The following FAM133B variants were observed in gnomAD, a reference collection of about 807,000 sequenced individuals.
FAM133B encodes the protein protein FAM133B.
In FAM133B, 25 loss-of-function variants were observed where a neutral mutation model predicts 46.4. That is an observed-to-expected ratio of 0.54 (90% CI 0.39 to 0.75). The LOEUF (loss-of-function observed/expected upper bound fraction) is 0.75. FAM133B is among the 30% of genes least tolerant of loss of function. FAM133B has a pLI of 0.00. For missense variants in FAM133B, 205 were observed against 277.6 expected (o/e 0.74, Z 1.86); for synonymous variants, 75 against 86.0 (o/e 0.87, Z 0.71).
chr7:92,568,373 T>C (rs1794428310), intron 9 of FAM133B, among the ~76,000 whole-genome samples: 1 of 152,094 alleles, frequency 6.6e-6, no homozygotes. Flanking sequence ...GACTGATTGA[T>C]TGAGATGGAG....
chr7:92,573,182 T>A (rs78204812), intron 8 of FAM133B, among the ~76,000 whole-genome samples: 12 of 150,814 alleles, frequency 8.0e-5, no homozygotes, highest in Admixed American at 6.6e-4. Context: ...TTTTTTTTTT[T>A]TAGAGATGGG....
intron 8 of FAM133B, among the ~76,000 whole-genome samples, chr7:92,572,062 T>C (rs1486672141): frequency 6.6e-6 from 1 of 152,190 alleles, no homozygotes; most frequent in African/African-American, 2.4e-5. Flanking sequence ...ACAATGATTA[T>C]GTGACTTAAA....
At position 92,569,897 on chromosome 7, in the gene FAM133B, T is replaced by G. The variant is rs761564437; in HGVS notation, c.535A>C (p.Lys179Gln). 37 of 1,408,494 alleles carry G rather than the reference T, an allele frequency of 2.6e-5. No individual in the cohort carries two copies. The highest frequency in any genetic ancestry group is 3.3e-5 in the Non-Finnish European group (36 of 1,074,776). 87.2% of individuals were successfully genotyped at this position (1,408,494 alleles called of 1,614,324 possible). A position where few individuals can be genotyped will look rare whatever the true frequency, so the allele number is the denominator to read the frequency against. Residue 179 changes from lysine to glutamine, a missense_variant, in exon 9 of 11, where the codon AAA becomes CAA. Physicochemically the swap from Lys to Gln is moderately conservative, Grantham distance 53 (BLOSUM62 1). Coordinates refer to ENST00000445716, the MANE Select transcript of FAM133B (RefSeq NM_152789.4). ...EKEKDIKGLS[K>Q]KRKMYSEDKP... ...TCTTCAGAATACATCTTTCTCTTTT[T>G]GCTGAGTCCTTTAATATCCTATGAA...
chr7:92,579,564 T>C (rs1041960072), intron 2 of FAM133B, among the ~76,000 whole-genome samples, 169 bp from the exon 3 acceptor site: 3 of 152,204 alleles, frequency 2.0e-5, no homozygotes, highest in African/African-American at 7.2e-5. Flanking sequence ...TAAATTACCA[T>C]AATAAAGCTA....
chr7:92,577,814 G>T, intron 5 of FAM133B, 97 bp from the exon 6 acceptor site: 3 of 942,668 alleles, frequency 3.2e-6, no homozygotes, highest in South Asian at 1.8e-5. Context: ...TCTAGTGTCT[G>T]AGAAACAGAT....
intron 3 of FAM133B, 62 bp downstream of exon 3, chr7:92,579,255 A>C (rs531141574): frequency 7.1e-7 from 1 of 1,410,988 alleles, no homozygotes; most frequent in East Asian, 2.4e-5. Context: ...CTGGAATTAT[A>C]GGTATGAGCC....
Position 92,569,932 on chromosome 7 carries a change from C to A in FAM133B, c.517-17G>T. ...TTTAATATCCTATGAAAAATAAATA[C>A]ATTTATCTTGACTCAGACATACTTT... On this transcript the variant is annotated splice_polypyrimidine_tract_variant and intron_variant, in intron 8 of 10. Transcript: ENST00000445716. 8.5e-7 allele frequency: 1 copy of A among 1,171,334 alleles called. No homozygotes were observed. Among genetic ancestry groups the A allele is most frequent in the South Asian group, 2.2e-5 (1 of 45,602 alleles). 72.6% of individuals were successfully genotyped at this position (1,171,334 alleles called of 1,614,324 possible).
At chr7:92,585,287 G>A in intron 1 of FAM133B, 1 of 777,294 alleles carries the variant, frequency 1.3e-6, no homozygotes, top group Non-Finnish European at 1.6e-6. Context: ...TCTTTTTCTT[G>A]CTCAAATTAC....
chr7:92,562,837 C>T (rs1218547471), intron 10 of FAM133B, among the ~76,000 whole-genome samples: 1 of 152,192 alleles, frequency 6.6e-6, no homozygotes, highest in African/African-American at 2.4e-5. Context: ...ACTGGCAGCA[C>T]TACTTGAAGT....
Position 92,575,766 on chromosome 7 carries a change from G to T in FAM133B, c.516+5C>A. 1 of 1,361,146 alleles carries T rather than the reference G, an allele frequency of 7.3e-7. No homozygotes were observed. The highest frequency in any genetic ancestry group is 1.0e-6 in the Non-Finnish European group (1 of 960,696). 84.3% of individuals were successfully genotyped at this position (1,361,146 alleles called of 1,614,324 possible). Reference sequence around the variant, plus strand: ...TATCTTAAGGCAATGTAAAAGTATAGTTACCTTTTCTTTCTCAGTTCCATC... The same window carrying T: ...TATCTTAAGGCAATGTAAAAGTATATTTACCTTTTCTTTCTCAGTTCCATC... On this transcript the variant is annotated splice_donor_5th_base_variant and intron_variant, in intron 8 of 10. Coordinates refer to ENST00000445716, the MANE Select transcript of FAM133B (RefSeq NM_152789.4).
chr7:92,581,484 A>T, intron 2 of FAM133B, 22 bp downstream of exon 2: 1 of 1,579,842 alleles, frequency 6.3e-7, no homozygotes, highest in Non-Finnish European at 8.7e-7. Flanking sequence ...GCTTATAAAT[A>T]GGTAAAGTGT....
chr7:92,568,340 A>G (rs184291263), intron 9 of FAM133B, among the ~76,000 whole-genome samples: 2 of 152,090 alleles, frequency 1.3e-5, no homozygotes, highest in African/African-American at 4.8e-5. Flanking sequence ...TTAAGATTCT[A>G]TGTCTTCTGG....
At chr7:92,582,317 C>T (rs1368927018) in intron 1 of FAM133B, among the ~76,000 whole-genome samples, 2 of 131,850 alleles carry the variant, frequency 1.5e-5, no homozygotes, top group African/African-American at 6.1e-5. Context: ...CATAAAATAA[C>T]ATAACATAAA....
At chr7:92,568,659 C>T (rs1296929238) in intron 9 of FAM133B, among the ~76,000 whole-genome samples, 9 of 151,944 alleles carry the variant, frequency 5.9e-5, no homozygotes, top group Admixed American at 2.6e-4. Flanking sequence ...CGAGCCACTG[C>T]GCCTGGCCTG....
Position 92,578,174 on chromosome 7 carries a change from T to C in FAM133B, c.285A>G (p.Lys95=), listed in dbSNP as rs776596058. ...ESSSKKRQRK[K]KEKKKSGRYS... ...CCCTACCAGATTTCTTCTTTTCTTT[T>C]TTCTTTCTCTAAATGGAAACAAAAG... Residue 95 remains lysine, a synonymous_variant, in exon 5 of 11, where the codon AAA becomes AAG. Transcript: ENST00000445716. 6.2e-7 allele frequency: 1 copy of C among 1,610,958 alleles called. No individual in the cohort carries two copies. The highest frequency in any genetic ancestry group is 1.7e-5 in the Admixed American group (1 of 59,468).
rs1294218544 is a variant in FAM133B, at chr7:92,569,846, A to C, written c.586T>G (p.Ser196Ala). Residue 196 changes from serine to alanine, a missense_variant, in exon 9 of 11, where the codon TCA (serine) becomes GCA (alanine). Ser to Ala is a moderately conservative substitution (Grantham distance 99, BLOSUM62 1). Transcript: ENST00000445716. The stretch of plus-strand genomic sequence containing the variant: ...ACCTCCTCAATATACTCTGATTCTG[A>C]CAAGGACTCAGATGATAAAGGTTTA... The part of the protein sequence containing the change: ...EDKPLSSESL[S>A]ESEYIEEVRA... 6.9e-7 allele frequency: 1 copy of C among 1,445,058 alleles called. No individual in the cohort carries two copies. The highest frequency in any genetic ancestry group is 9.1e-7 in the Non-Finnish European group (1 of 1,100,376). 89.5% of individuals were successfully genotyped at this position (1,445,058 alleles called of 1,614,324 possible). A position where few individuals can be genotyped will look rare whatever the true frequency, so the allele number is the denominator to read the frequency against.
intron 1 of FAM133B, among the ~76,000 whole-genome samples, chr7:92,588,790 G>A (rs1034390667): frequency 1.3e-5 from 2 of 152,084 alleles, no homozygotes; most frequent in African/African-American, 4.8e-5. Context: ...AGATGCGGTT[G>A]TTTAAAACTG....
At chr7:92,569,772 C>A in intron 9 of FAM133B, 51 bp downstream of exon 9, 1 of 877,596 alleles carries the variant, frequency 1.1e-6, no homozygotes, top group South Asian at 2.4e-5. Flanking sequence ...TTTATTAAAT[C>A]AATAACTAAG....
At position 92,579,179 on chromosome 7, in the gene FAM133B, G is replaced by C. The variant is rs559367600; in HGVS notation, c.201+138C>G. 8 of 659,988 alleles carry C rather than the reference G, an allele frequency of 1.2e-5. No homozygotes were observed. In the East Asian group the frequency reaches 2.3e-4, roughly 19 times the overall value. The allele number at this position is 659,988 out of a possible 1,614,324, so 40.9% of individuals were successfully genotyped here. The stretch of plus-strand genomic sequence containing the variant: ...TTAATGGAGACAAGGGCGGCGGGGG[G>C]GGGCCTTACTTTGTTGCCCAGGCTG... On this transcript the variant is annotated intron_variant, in intron 3 of 10. Transcript: ENST00000445716.
Sources: allele counts gnomAD v4.1 joint callset (sites outside exome capture counted in the v4.1 genomes callset), GRCh38; gene constraint gnomAD v4.1.1; transcripts MANE v1.5; gene names NCBI Gene and HGNC (gene_info 2026-07-23, HGNC 2026-07-21).